Variants in NXN observed in about 807,000 individuals in gnomAD.
NXN encodes nucleoredoxin 1.
In NXN, 16 loss-of-function variants were observed where a neutral mutation model predicts 48.6. That is an observed-to-expected ratio of 0.33 (90% CI 0.22 to 0.50). The LOEUF (loss-of-function observed/expected upper bound fraction) is 0.50, where lower values mean the gene tolerates loss of function less well. NXN is among the 20% of genes least tolerant of loss of function. NXN has a pLI of 0.98. For missense variants in NXN, 492 were observed against 605.5 expected (o/e 0.81, Z 1.97); for synonymous variants, 281 against 269.6 (o/e 1.04, Z -0.41).
chr17:873,286 C>T (rs767584520), intron 1 of NXN, among the ~76,000 whole-genome samples: 2 of 151,996 alleles, frequency 1.3e-5, no homozygotes, highest in African/African-American at 2.4e-5. Flanking sequence ...CACTTGAGAT[C>T]AGGAGTTCGA....
chr17:951,352 A>G, intron 1 of NXN, among the ~76,000 whole-genome samples: 1 of 147,602 alleles, frequency 6.8e-6, no homozygotes, highest in African/African-American at 2.5e-5. Flanking sequence ...TCCATCTCGA[A>G]AAAAAAAAAA....
At chr17:886,702 C>T (rs993263932) in intron 1 of NXN, among the ~76,000 whole-genome samples, 14 of 151,516 alleles carry the variant, frequency 9.2e-5, no homozygotes, top group Admixed American at 4.6e-4. Context: ...CACTTCAACT[C>T]GGGAGGTGGA....
chr17:830,123 G>A lies in NXN; in HGVS notation c.361-4045C>T, dbSNP rs889627270. ...AGTTGCTTATCTTTGACTTACTGAT[G>A]TGTAGGAGATACGCTGTTGTCAGCA... On this transcript the variant is annotated intron_variant, in intron 1 of 7. Coordinates refer to ENST00000336868, the MANE Select transcript of NXN (RefSeq NM_022463.5). The surrounding 1 kb of genome is among the most constrained non-coding windows in gnomAD (Gnocchi z 4.2). Among the ~76,000 whole-genome samples, 8 of 152,214 alleles carry A rather than the reference G, an allele frequency of 5.3e-5. 1 individual carries two copies. The highest frequency in any genetic ancestry group is 1.2e-4 in the Non-Finnish European group (8 of 68,038).
At chr17:855,118 A>G (rs1360233912) in intron 1 of NXN, among the ~76,000 whole-genome samples, 1 of 152,134 alleles carries the variant, frequency 6.6e-6, no homozygotes, top group Non-Finnish European at 1.5e-5. Flanking sequence ...CTCTACAAAA[A>G]GTAAAACATT....
intron 1 of NXN, among the ~76,000 whole-genome samples, chr17:845,275 C>T (rs2067847802): frequency 6.6e-6 from 1 of 151,816 alleles, no homozygotes; most frequent in Non-Finnish European, 1.5e-5. Context: ...CTTACAGACT[C>T]AACATCCGAG....
Position 826,057 on chromosome 17 carries a change from G to T in NXN, c.382C>A (p.Arg128=). 6.2e-7 allele frequency: 1 copy of T among 1,613,508 alleles called. No individual in the cohort carries two copies. The highest frequency in any genetic ancestry group is 8.5e-7 in the Non-Finnish European group (1 of 1,179,462). ...HRKLKLWNKY[R]ISNIPSLIFL... ...ATTAGTGATGGAATGTTGGAAATTCGGTATTTGTTCCAAAGTTTGAGCTGT... is the reference window on the plus strand; with the variant it reads ...ATTAGTGATGGAATGTTGGAAATTCTGTATTTGTTCCAAAGTTTGAGCTGT... The change falls in exon 2 of 8, where the codon CGA becomes AGA. Residue 128 remains arginine, a synonymous_variant. Coordinates refer to ENST00000336868, the MANE Select transcript of NXN (RefSeq NM_022463.5).
chr17:925,147 A>G (rs1214613783), intron 1 of NXN, among the ~76,000 whole-genome samples: 1 of 145,528 alleles, frequency 6.9e-6, no homozygotes, highest in African/African-American at 2.5e-5. Context: ...ACCAAAGGAG[A>G]GGACAGGGAG....
chr17:853,723 A>ATATATATATATATATATATATATATAT (rs1491528474), intron 1 of NXN, among the ~76,000 whole-genome samples: 4 of 105,992 alleles, frequency 3.8e-5, no homozygotes, highest in African/African-American at 8.6e-5. Context: ...ATATATATAT[A>ATATATATATATATATATATATATATAT]TTTTTTTTTT....
intron 1 of NXN, among the ~76,000 whole-genome samples, chr17:853,388 C>T (rs577339309): frequency 1.3e-5 from 2 of 152,070 alleles, no homozygotes; most frequent in South Asian, 4.2e-4. Flanking sequence ...GCGCATGTTA[C>T]AGTGAGCCGA....
rs533895257 is a variant in NXN at position 835,463 on chromosome 17, C to T, written c.361-9385G>A. 8.4e-4 allele frequency among the ~76,000 whole-genome samples: 128 copies of T among 152,116 alleles called. 1 individual carries two copies. The highest frequency in any genetic ancestry group is 2.7e-3 in the African/African-American group (113 of 41,500). On this transcript the variant is annotated intron_variant, in intron 1 of 7. Coordinates refer to ENST00000336868, the MANE Select transcript of NXN (RefSeq NM_022463.5). ...TAGCTCAACTTGGCAAAAATGGAAA[C>T]GGATGACAAAGTGGGTTATCCAGTT... is the stretch of plus-strand genomic sequence containing the variant.
intron 5 of NXN, among the ~76,000 whole-genome samples, chr17:810,596 G>A (rs1911929586): frequency 6.6e-6 from 1 of 152,112 alleles, no homozygotes; most frequent in African/African-American, 2.4e-5. Flanking sequence ...TGCTTAGAGA[G>A]TTAAGGAAAG....
At chr17:805,885 A>G (rs960103482) in intron 5 of NXN, among the ~76,000 whole-genome samples, 4 of 152,090 alleles carry the variant, frequency 2.6e-5, no homozygotes, top group Non-Finnish European at 5.9e-5. Context: ...GTCATGGCGC[A>G]TCGGAGCAAT....
intron 1 of NXN, among the ~76,000 whole-genome samples, chr17:972,432 G>A (rs1441316478): frequency 4.6e-5 from 7 of 151,938 alleles, no homozygotes; most frequent in East Asian, 1.9e-4. Flanking sequence ...AGCCGAGATC[G>A]CGCCACTGCT....
chr17:810,188 G>A (rs1395362385), intron 5 of NXN, among the ~76,000 whole-genome samples: 1 of 91,712 alleles, frequency 1.1e-5, no homozygotes, highest in South Asian at 4.1e-4. Context: ...TGGCGTGCAT[G>A]TTACGAGTCT....
In NXN at chr17:799,689, C is replaced by A. The variant is rs1911102401; in HGVS notation, c.*1260G>T. ...GGCCAACAACCTACCTGGGCCGATACAAGGCGACACAAGGCCCACCCGTGG... is the reference window on the plus strand; with the variant it reads ...GGCCAACAACCTACCTGGGCCGATAAAAGGCGACACAAGGCCCACCCGTGG... On this transcript the variant is annotated 3_prime_UTR_variant, in exon 8 of 8. Coordinates refer to ENST00000336868, the MANE Select transcript of NXN (RefSeq NM_022463.5). 6.6e-6 allele frequency: 1 copy of A among 152,434 alleles called. No individual in the cohort carries two copies. The highest frequency in any genetic ancestry group is 1.9e-4 in the East Asian group (1 of 5,196). 9.4% of individuals were successfully genotyped at this position (152,434 alleles called of 1,614,324 possible). A position where few individuals can be genotyped will look rare whatever the true frequency, so the allele number is the denominator to read the frequency against.
intron 1 of NXN, among the ~76,000 whole-genome samples, chr17:885,069 G>A (rs2068328385): frequency 6.6e-6 from 1 of 152,180 alleles, no homozygotes; most frequent in Non-Finnish European, 1.5e-5. Flanking sequence ...AGGCCTCCTG[G>A]GTGGGATGAT....
chr17:807,492 T>C (rs953063033), intron 5 of NXN, among the ~76,000 whole-genome samples: 3 of 152,174 alleles, frequency 2.0e-5, no homozygotes, highest in Non-Finnish European at 2.9e-5. Flanking sequence ...GAGGGCCTCC[T>C]CCAAGCGGCC....
intron 1 of NXN, among the ~76,000 whole-genome samples, chr17:854,273 G>A (rs1366118528): frequency 6.6e-6 from 1 of 152,154 alleles, no homozygotes; most frequent in Non-Finnish European, 1.5e-5. Flanking sequence ...GTACTTCGAA[G>A]GAAAGATCCT....
chr17:814,903 T>C (rs1912382427), intron 5 of NXN, among the ~76,000 whole-genome samples: 1 of 152,152 alleles, frequency 6.6e-6, no homozygotes, highest in African/African-American at 2.4e-5. Context: ...GTAGCTGGGA[T>C]TATAGGTGAC....
Sources: gnomAD v4.1 joint callset for allele counts (sites outside exome capture counted in the v4.1 genomes callset) on GRCh38, gnomAD v4.1.1 for gene constraint, Gnocchi (gnomAD v3.1) non-coding constraint, MANE v1.5 for transcripts, NCBI Gene and HGNC (gene_info 2026-07-23, HGNC 2026-07-21) for gene names.